Variants in ANO4 observed in about 807,000 individuals in gnomAD.
ANO4 encodes anoctamin-4.
In ANO4, 69 loss-of-function variants were observed where a neutral mutation model predicts 141.9. The ratio of observed to expected loss-of-function variants is 0.49; its 90% CI spans 0.40 to 0.59. ANO4 has a LOEUF of 0.59. ANO4 is among the 20% of genes least tolerant of loss of function. The probability of loss-of-function intolerance (pLI) is 0.00; values close to 1 mark genes in which losing one functional copy is unlikely to be tolerated. For missense variants in ANO4, 894 were observed against 1,162.2 expected, an observed-to-expected ratio of 0.77 and a Z score of 3.36; for synonymous variants, 350 against 394.3, an observed-to-expected ratio of 0.89 and a Z score of 1.33.
rs773520727 is a variant in ANO4 at position 101,040,041 on chromosome 12, C to T, written c.984C>T (p.Gly328=). The change falls in exon 11 of 28, where the codon GGC becomes GGT. Residue 328 remains glycine (G), a synonymous_variant. Coordinates refer to ENST00000392977, the MANE Select transcript of ANO4 (RefSeq NM_001286615.2). The part of the protein sequence containing the change: ...HLLYECWASW[G]VWYKYQPLDL... ...TCTATGAGTGCTGGGCCTCCTGGGG[C>T]GTGTGGTATAAATACCAACCTTTGG... The T allele has an allele frequency of 1.5e-5, 25 of 1,612,924 alleles. No individual in the cohort carries two copies. The highest frequency in any genetic ancestry group is 8.9e-5 in the East Asian group (4 of 44,884).
intron 1 of ANO4, among the ~76,000 whole-genome samples, chr12:100,893,400 G>A (rs555982025): frequency 4.3e-4 from 66 of 152,010 alleles, no homozygotes; most frequent in Non-Finnish European, 8.8e-4. Flanking sequence ...AGAAACATTT[G>A]TCTTTTTGTT....
At chr12:100,907,977 T>C (rs529024821) in intron 2 of ANO4, among the ~76,000 whole-genome samples, 8 of 152,350 alleles carry the variant, frequency 5.3e-5, no homozygotes, top group Admixed American at 4.6e-4. Flanking sequence ...ATGAATGTTA[T>C]TAAGATATTC....
intron 3 of ANO4, among the ~76,000 whole-genome samples, chr12:100,772,630 T>C (rs1211141078): frequency 1.3e-5 from 2 of 152,200 alleles, no homozygotes; most frequent in Non-Finnish European, 2.9e-5. Context: ...CTTTGGAGCC[T>C]GACGCAGCTG....
At chr12:100,873,796 G>A (rs1040974019) in intron 1 of ANO4, among the ~76,000 whole-genome samples, 1 of 152,204 alleles carries the variant, frequency 6.6e-6, no homozygotes, top group African/African-American at 2.4e-5. Context: ...GTGAAAAGGA[G>A]CTGAATGTTA....
intron 16 of ANO4, among the ~76,000 whole-genome samples, chr12:101,084,484 G>A (rs1411017180): frequency 6.6e-6 from 1 of 152,082 alleles, no homozygotes; most frequent in Non-Finnish European, 1.5e-5. Context: ...TGTCATTTTA[G>A]AACAGTAAAG....
chr12:100,772,344 C>T (rs376075673), intron 3 of ANO4, among the ~76,000 whole-genome samples: 17 of 152,152 alleles, frequency 1.1e-4, no homozygotes, highest in African/African-American at 3.9e-4. Context: ...TATAGAATTA[C>T]GCATAGGCCC....
intron 1 of ANO4, among the ~76,000 whole-genome samples, chr12:100,819,035 G>GTA (rs35083836): frequency 0.22 from 32,596 of 147,748 alleles, 4,060 homozygotes; most frequent in Middle Eastern, 0.34. Flanking sequence ...ATGTATGTGT[G>GTA]TATATATATA....
intron 1 of ANO4, among the ~76,000 whole-genome samples, chr12:100,881,035 T>C (rs1206098723): frequency 2.6e-5 from 4 of 151,964 alleles, no homozygotes; most frequent in Non-Finnish European, 5.9e-5. Flanking sequence ...TGTTTGGTTT[T>C]TTGTCCTTGC....
At chr12:100,979,586 AAG>A (rs1332312987) in intron 7 of ANO4, among the ~76,000 whole-genome samples, 1 of 152,120 alleles carries the variant, frequency 6.6e-6, no homozygotes, top group Non-Finnish European at 1.5e-5. Context: ...AGGAAGGAGA[AAG>A]AGGGGACAGG....
chr12:100,856,486 T>C (rs2038179008), intron 1 of ANO4, among the ~76,000 whole-genome samples: 2 of 152,156 alleles, frequency 1.3e-5, no homozygotes, highest in Admixed American at 1.3e-4. Context: ...GGTCAACTTC[T>C]GTAGCCAGCT....
intron 5 of ANO4, among the ~76,000 whole-genome samples, chr12:100,945,624 C>T (rs1167071457): frequency 2.0e-5 from 3 of 151,962 alleles, no homozygotes; most frequent in African/African-American, 7.3e-5. Flanking sequence ...AATCATTGTC[C>T]TCAATAAGAC....
At chr12:101,002,033 T>C (rs1453168516) in intron 8 of ANO4, among the ~76,000 whole-genome samples, 1 of 152,164 alleles carries the variant, frequency 6.6e-6, no homozygotes, top group Non-Finnish European at 1.5e-5. Flanking sequence ...CCCATCTTCC[T>C]CGCTGCCCAC....
intron 1 of ANO4, among the ~76,000 whole-genome samples, chr12:100,825,842 G>A (rs1049696884): frequency 6.6e-6 from 1 of 152,008 alleles, no homozygotes; most frequent in Admixed American, 6.6e-5. Flanking sequence ...GCAACCTATT[G>A]ACTGGACATT....
chr12:100,987,440 T>A, intron 7 of ANO4, 99 bp from the exon 8 acceptor site: 1 of 1,431,164 alleles, frequency 7.0e-7, no homozygotes, highest in Non-Finnish European at 9.5e-7. Context: ...GCCTGGAATG[T>A]GTGGTATGAT....
At chr12:101,107,550 C>G (rs200933544) in intron 22 of ANO4, among the ~76,000 whole-genome samples, 1 of 151,520 alleles carries the variant, frequency 6.6e-6, no homozygotes, top group African/African-American at 2.4e-5. Context: ...CATAGCAACA[C>G]TGCATATATG....
At chr12:100,747,678 C>T (rs1273985471) in intron 3 of ANO4, among the ~76,000 whole-genome samples, 1 of 152,100 alleles carries the variant, frequency 6.6e-6, no homozygotes, top group Non-Finnish European at 1.5e-5. Context: ...TTCGAGATCA[C>T]CTTGGCCAAG....
chr12:100,882,548 C>T (rs988910943), intron 1 of ANO4, among the ~76,000 whole-genome samples: 22 of 152,014 alleles, frequency 1.4e-4, no homozygotes, highest in East Asian at 7.7e-4. Context: ...ATATTTTTAA[C>T]GATGATATCT....
chr12:100,949,054 C>G (rs2042863531), intron 5 of ANO4, among the ~76,000 whole-genome samples: 1 of 152,140 alleles, frequency 6.6e-6, no homozygotes, highest in Non-Finnish European at 1.5e-5. Flanking sequence ...TGACGTCCAG[C>G]AACAAGCAGG....
intron 2 of ANO4, among the ~76,000 whole-genome samples, chr12:100,903,086 T>C (rs1225511082): frequency 6.6e-6 from 1 of 152,232 alleles, no homozygotes; most frequent in Admixed American, 6.5e-5. Context: ...AATTTACTTT[T>C]GATTGCTCTG....
Sources: gnomAD v4.1 joint callset for allele counts (sites outside exome capture counted in the v4.1 genomes callset) on GRCh38, gnomAD v4.1.1 for gene constraint, MANE v1.5 for transcripts, NCBI Gene and HGNC (gene_info 2026-07-23, HGNC 2026-07-21) for gene names.